The following TAB1 variants were observed in gnomAD, a reference collection of about 807,000 sequenced individuals.
The protein encoded by TAB1 is TGF-beta-activated kinase 1 and MAP3K7-binding protein 1.
In TAB1, 30 loss-of-function variants were observed where a neutral mutation model predicts 54.5. The observed-to-expected ratio is 0.55, with a 90% CI of 0.41 to 0.75. The LOEUF is 0.75. Ranked by LOEUF, TAB1 falls within the 30% of genes least tolerant of loss-of-function variation. The probability of loss-of-function intolerance (pLI) is 0.00; values close to 1 mark genes in which losing one functional copy is unlikely to be tolerated. For missense variants in TAB1, 609 were observed against 683.2 expected (o/e 0.89, Z 1.21); for synonymous variants, 289 against 286.9 (o/e 1.01, Z -0.07).
At chr22:39,429,282 TAGA>T (rs1259343089) in intron 10 of TAB1, 12 of 985,398 alleles carry the variant, frequency 1.2e-5, no homozygotes, top group South Asian at 4.7e-5. Flanking sequence ...GAAGGTTTTC[TAGA>T]AGAAGACACC....
rs751398005 is a variant in TAB1 at position 39,425,663 on chromosome 22, C to T, written c.922-1040C>T. Among the ~76,000 whole-genome samples the T allele has an allele frequency of 7.9e-5, 12 of 151,716 alleles. No individual in the cohort carries two copies. In the South Asian group the frequency reaches 2.5e-3, roughly 32 times the overall value. Reference sequence around the variant, plus strand: ...CTCCCGGGTTCACGCCATTCTGCCTCAGCCTCCCGAGTAGCTGGGACTACA... The same window carrying T: ...CTCCCGGGTTCACGCCATTCTGCCTTAGCCTCCCGAGTAGCTGGGACTACA... On this transcript the variant is annotated intron_variant, in intron 8 of 10. Coordinates refer to ENST00000216160, the MANE Select transcript of TAB1 (RefSeq NM_006116.3).
chr22:39,436,459 A>G (rs764094299), downstream of TAB1: 24 of 1,572,506 alleles, frequency 1.5e-5, no homozygotes, highest in Admixed American at 5.0e-5. Flanking sequence ...ACTTTTCTTC[A>G]TGTGTCATGA....
At position 39,430,252 on chromosome 22, in the gene TAB1, C is replaced by G; in HGVS notation, c.*30C>G. ...GCCGGAGAATGCAGCCCAAGCAGGGCCTGGCATGGGGCAGGACAGGGTCCA... is the reference window on the plus strand; with the variant it reads ...GCCGGAGAATGCAGCCCAAGCAGGGGCTGGCATGGGGCAGGACAGGGTCCA... On this transcript the variant is annotated 3_prime_UTR_variant, in exon 11 of 11. Coordinates refer to ENST00000216160, the MANE Select transcript of TAB1 (RefSeq NM_006116.3). The G allele has an allele frequency of 6.2e-7, 1 of 1,607,188 alleles. No individual in the cohort carries two copies. The highest frequency in any genetic ancestry group is 8.5e-7 in the Non-Finnish European group (1 of 1,179,794).
chr22:39,417,358 C>G (rs35214117), intron 4 of TAB1, among the ~76,000 whole-genome samples: 7 of 152,224 alleles, frequency 4.6e-5, no homozygotes, highest in African/African-American at 1.7e-4. Context: ...TGGTGGCTCA[C>G]GCCTGTAATC....
chr22:39,433,412 C>T, downstream of TAB1: 3 of 962,670 alleles, frequency 3.1e-6, no homozygotes, highest in Non-Finnish European at 2.5e-6. Flanking sequence ...GATAGCACCA[C>T]TGCACTCCAG....
chr22:39,415,043 G>T lies in TAB1; in HGVS notation c.71G>T (p.Cys24Phe). 6.2e-7 allele frequency: 1 copy of T among 1,614,074 alleles called. No individual in the cohort carries two copies. The highest frequency in any genetic ancestry group is 8.5e-7 in the Non-Finnish European group (1 of 1,179,978). ...AGCTGGACAGATGACCTGCCTCTCT[G>T]CCACCTCTCTGGGGTTGGCTCAGCC... ...QPSWTDDLPL[C>F]HLSGVGSASN... Residue 24 changes from cysteine (C) to phenylalanine (F), a missense_variant, in exon 2 of 11, where the codon TGC (cysteine) becomes TTC (phenylalanine). Cys to Phe is a radical substitution (Grantham distance 205, BLOSUM62 -2). Coordinates refer to ENST00000216160, the MANE Select transcript of TAB1 (RefSeq NM_006116.3). This position sits in a 1 kb window ranked among gnomAD's most constrained non-coding sequence, Gnocchi z 4.9.
At chr22:39,412,393 C>T (rs1176617120) in intron 1 of TAB1, among the ~76,000 whole-genome samples, 1 of 152,040 alleles carries the variant, frequency 6.6e-6, no homozygotes, top group African/African-American at 2.4e-5. Context: ...AATAGGTTGC[C>T]AGGGATTAGG....
intron 1 of TAB1, among the ~76,000 whole-genome samples, chr22:39,408,160 T>C (rs190875298): frequency 9.2e-5 from 14 of 152,340 alleles, no homozygotes; most frequent in East Asian, 5.8e-4. Flanking sequence ...GCCTCAACAT[T>C]ATGAAAATCA....
At chr22:39,414,393 C>T (rs911697495) in intron 1 of TAB1, among the ~76,000 whole-genome samples, 1 of 152,202 alleles carries the variant, frequency 6.6e-6, no homozygotes, top group Non-Finnish European at 1.5e-5. Flanking sequence ...AGCTCATAAA[C>T]TCCGACTTAA....
chr22:39,406,550 A>G (rs973824039), intron 1 of TAB1, among the ~76,000 whole-genome samples: 1 of 152,130 alleles, frequency 6.6e-6, no homozygotes, highest in African/African-American at 2.4e-5. Context: ...AAAGACAGAA[A>G]GGGACAGGCT....
chr22:39,429,729 G>A (rs1452814886), intron 10 of TAB1: 9 of 727,510 alleles, frequency 1.2e-5, no homozygotes, highest in South Asian at 1.2e-4. Flanking sequence ...TGATCCACCC[G>A]TCTTGGCCTC....
chr22:39,433,364 T>A, downstream of TAB1: 1 of 818,632 alleles, frequency 1.2e-6, no homozygotes, highest in Non-Finnish European at 1.5e-6. Flanking sequence ...GGCAGGAGAA[T>A]AGCGTGAACC....
chr22:39,427,056 G>T, intron 9 of TAB1, 131 bp downstream of exon 9: 2 of 901,666 alleles, frequency 2.2e-6, no homozygotes, highest in South Asian at 1.7e-5. Context: ...TCTAATTCAG[G>T]TTCTCTGATT....
Position 39,426,759 on chromosome 22 carries a change from G to T in TAB1, c.978G>T (p.Val326=), listed in dbSNP as rs773533439. 6.2e-7 allele frequency: 1 copy of T among 1,613,858 alleles called. No individual in the cohort carries two copies. The highest frequency in any genetic ancestry group is 8.5e-7 in the Non-Finnish European group (1 of 1,179,822). The part of the protein sequence containing the change: ...EFAKQTSLDA[V]AQAVVDRVKR... ...CCAAGCAGACCTCCCTGGACGCAGT[G>T]GCCCAGGCCGTCGTGGACCGGGTGA... is the stretch of plus-strand genomic sequence containing the variant. The change falls in exon 9 of 11, where the codon GTG becomes GTT. Residue 326 remains valine, a synonymous_variant. Transcript: ENST00000216160.
chr22:39,426,305 C>A (rs1473329449), intron 8 of TAB1, among the ~76,000 whole-genome samples: 1 of 152,346 alleles, frequency 6.6e-6, no homozygotes, highest in Non-Finnish European at 1.5e-5. Context: ...AAAATCCTAG[C>A]ATGTATAACA....
chr22:39,430,930 AGAGGT>A lies in TAB1; in HGVS notation c.*713_*717del. On this transcript the variant is annotated 3_prime_UTR_variant, in exon 11 of 11. Coordinates refer to ENST00000216160, the MANE Select transcript of TAB1 (RefSeq NM_006116.3). Reference sequence around the variant, plus strand: ...GCTTCCCCAGAGCCAGGCGTGCGGGAGAGGTGAGGACTGGCCCCGGTGGGCTGAGG... The same window carrying A: ...GCTTCCCCAGAGCCAGGCGTGCGGGAGAGGACTGGCCCCGGTGGGCTGAGG... 7 of 988,048 alleles carry A rather than the reference AGAGGT, an allele frequency of 7.1e-6. No homozygotes were observed. The highest frequency in any genetic ancestry group is 8.4e-6 in the Non-Finnish European group (7 of 831,656). The allele number at this position is 988,048 out of a possible 1,614,324, so 61.2% of individuals were successfully genotyped here. A position where few individuals can be genotyped will look rare whatever the true frequency, so the allele number is the denominator to read the frequency against.
At chr22:39,402,232 G>A (rs34825318) in intron 1 of TAB1, among the ~76,000 whole-genome samples, 2,790 of 152,262 alleles carry the variant, frequency 0.018, 37 homozygotes, top group Middle Eastern at 0.031. Flanking sequence ...GCCCAGGCTG[G>A]TCTAGAATCC....
chr22:39,426,630 C>T (rs1003661940), intron 8 of TAB1, 73 bp from the exon 9 acceptor site: 2 of 1,363,648 alleles, frequency 1.5e-6, no homozygotes, highest in African/African-American at 1.4e-5. Context: ...TGATTTTAGG[C>T]TCCAAGATTA....
At chr22:39,408,051 A>C (rs551571553) in intron 1 of TAB1, among the ~76,000 whole-genome samples, 2 of 152,334 alleles carry the variant, frequency 1.3e-5, no homozygotes, top group South Asian at 4.1e-4. Flanking sequence ...CCAAGAATGG[A>C]CCAAGACTCC....
Sources: gnomAD v4.1 joint callset for allele counts (sites outside exome capture counted in the v4.1 genomes callset) on GRCh38, gnomAD v4.1.1 for gene constraint, Gnocchi (gnomAD v3.1) non-coding constraint, MANE v1.5 for transcripts, NCBI Gene and HGNC (gene_info 2026-07-23, HGNC 2026-07-21) for gene names.